The following ADRA1A variants were observed in gnomAD, a reference collection of about 807,000 sequenced individuals.
The protein encoded by ADRA1A is adrenoceptor alpha 1A.
A neutral mutation model predicts 29.6 loss-of-function variants in ADRA1A; 31 were observed. The ratio of observed to expected loss-of-function variants is 1.05; its 90% CI spans 0.79 to 1.41. The LOEUF (loss-of-function observed/expected upper bound fraction) is 1.41, where lower values mean the gene tolerates loss of function less well. ADRA1A is among the 40% of genes most tolerant of loss of function. The pLI, the probability that ADRA1A is intolerant of heterozygous loss-of-function variation, is 0.00. For synonymous variants in ADRA1A, 311 were observed against 254.3 expected, an observed-to-expected ratio of 1.22 and a Z score of -2.12; for missense variants, 619 against 601.1, an observed-to-expected ratio of 1.03 and a Z score of -0.31.
At chr8:26,785,121 T>C (rs550895593) in intron 2 of ADRA1A, among the ~76,000 whole-genome samples, 36 of 152,264 alleles carry the variant, frequency 2.4e-4, no homozygotes, top group Non-Finnish European at 3.8e-4. Context: ...AATGAAAAAA[T>C]TGAATGTCTT....
At chr8:26,840,786 G>A (rs143995587) in intron 2 of ADRA1A, among the ~76,000 whole-genome samples, 141 of 152,304 alleles carry the variant, frequency 9.3e-4, no homozygotes, top group African/African-American at 3.1e-3. Context: ...TGAAAGAGTT[G>A]CTAAGCATTT....
chr8:26,850,031 C>CAAAAAACAAAAAAA (rs1812505727), intron 2 of ADRA1A, among the ~76,000 whole-genome samples: 12 of 34,058 alleles, frequency 3.5e-4, no homozygotes, highest in South Asian at 8.5e-4. Context: ...AATGCAAAAA[C>CAAAAAACAAAAAAA]AAAAAACAAA....
intron 2 of ADRA1A, among the ~76,000 whole-genome samples, chr8:26,832,033 C>T (rs961174639): frequency 5.3e-5 from 8 of 152,252 alleles, no homozygotes; most frequent in South Asian, 4.1e-4. Context: ...AATCCAGGGA[C>T]GCTCCTCTGG....
chr8:26,766,182 T>A, downstream of ADRA1A: 1 of 1,284,064 alleles, frequency 7.8e-7, no homozygotes, highest in Non-Finnish European at 1.1e-6. Flanking sequence ...GGAATACAGG[T>A]GAGTGAGAGT....
chr8:26,780,253 C>G (rs1357761264), intron 2 of ADRA1A, among the ~76,000 whole-genome samples: 3 of 150,062 alleles, frequency 2.0e-5, no homozygotes, highest in Admixed American at 6.7e-5. Context: ...CAGGAACATG[C>G]AAAGGTGTTT....
In ADRA1A at chr8:26,825,684, T is replaced by A. The variant is rs1810506228; in HGVS notation, c.883+38403A>T. 6.6e-6 allele frequency among the ~76,000 whole-genome samples: 1 copy of A among 152,212 alleles called. No homozygotes were observed. The highest frequency in any genetic ancestry group is 1.5e-5 in the Non-Finnish European group (1 of 68,048). On this transcript the variant is annotated intron_variant, in intron 2 of 2. Coordinates refer to ENST00000380573, the MANE Select transcript of ADRA1A (RefSeq NM_000680.4). This position sits in a 1 kb window ranked among gnomAD's most constrained non-coding sequence, Gnocchi z 5.7. ...TGTCATTCTTTAGGAAAAATCAAAA[T>A]TTAGCTTGTAATGATATATGAATTG... is the stretch of plus-strand genomic sequence containing the variant.
At chr8:26,750,751 C>T (rs139831991) in intron 2 of ADRA1A, among the ~76,000 whole-genome samples, 110 of 152,316 alleles carry the variant, frequency 7.2e-4, no homozygotes, top group African/African-American at 2.6e-3. Flanking sequence ...TTTGGCAACA[C>T]AGCTCTCCTG....
At chr8:26,751,358 T>C (rs975832113) in intron 2 of ADRA1A, among the ~76,000 whole-genome samples, 1 of 152,240 alleles carries the variant, frequency 6.6e-6, no homozygotes, top group Non-Finnish European at 1.5e-5. Context: ...TTTTCATAAA[T>C]TCTGTTGAAG....
intron 2 of ADRA1A, among the ~76,000 whole-genome samples, chr8:26,861,619 T>C (rs1452757835): frequency 6.6e-6 from 1 of 152,202 alleles, no homozygotes; most frequent in East Asian, 1.9e-4. Context: ...CCATCTCTAC[T>C]TCCATGTCTA....
Position 26,825,192 on chromosome 8 carries a change from C to T in ADRA1A, c.883+38895G>A, listed in dbSNP as rs1810465320. Among the ~76,000 whole-genome samples the T allele has an allele frequency of 1.3e-5, 2 of 152,294 alleles. No individual in the cohort carries two copies. The highest frequency in any genetic ancestry group is 2.1e-4 in the South Asian group (1 of 4,818). On this transcript the variant is annotated intron_variant, in intron 2 of 2. Transcript: ENST00000380573. This position sits in a 1 kb window ranked among gnomAD's most constrained non-coding sequence, Gnocchi z 5.7. Reference sequence around the variant, plus strand: ...GCTAGGCCTTCCAGGGCCTCGGTCCCCACATCTGTGTTGGGAGAGAGGAGA... The same window carrying T: ...GCTAGGCCTTCCAGGGCCTCGGTCCTCACATCTGTGTTGGGAGAGAGGAGA...
At chr8:26,832,985 C>A (rs1340369436) in intron 2 of ADRA1A, among the ~76,000 whole-genome samples, 1 of 152,168 alleles carries the variant, frequency 6.6e-6, no homozygotes, top group Non-Finnish European at 1.5e-5. Context: ...GCCCTCCCAG[C>A]ACCATAGGGA....
chr8:26,800,799 C>A (rs1039157096), intron 2 of ADRA1A, among the ~76,000 whole-genome samples: 3 of 152,004 alleles, frequency 2.0e-5, no homozygotes, highest in Non-Finnish European at 2.9e-5. Flanking sequence ...CATGAAAAAT[C>A]ATCAAAAAGA....
chr8:26,810,471 G>T (rs542788902), intron 2 of ADRA1A, among the ~76,000 whole-genome samples: 1 of 152,198 alleles, frequency 6.6e-6, no homozygotes, highest in Non-Finnish European at 1.5e-5. Context: ...ATAAAATGGA[G>T]AATTGTTCAA....
rs183355777 is a variant in ADRA1A, at chr8:26,774,649, C to T, written c.884-3983G>A. 1.5e-3 allele frequency among the ~76,000 whole-genome samples: 217 copies of T among 148,818 alleles called. 2 individuals are homozygous for T. Among genetic ancestry groups the T allele is most frequent in the Non-Finnish European group, 4.6e-4 (31 of 67,514 alleles). The stretch of plus-strand genomic sequence containing the variant: ...CACCACTGCAGTCCAGCATGGGCAA[C>T]GGGAGTGAACCCCTGTCTAAAAAAA... On this transcript the variant is annotated intron_variant, in intron 2 of 2. Transcript: ENST00000380573.
rs1246530469 is a variant in ADRA1A, at chr8:26,817,683, T to C, written c.883+46404A>G. ...GACCCAACCACTAGGGAGGCTGACA[T>C]TGGAGGATTGATTGAGCCTGGGAGG... On this transcript the variant is annotated intron_variant, in intron 2 of 2. Coordinates refer to ENST00000380573, the MANE Select transcript of ADRA1A (RefSeq NM_000680.4). 2.0e-5 allele frequency among the ~76,000 whole-genome samples: 3 copies of C among 152,052 alleles called. No homozygotes were observed. In the South Asian group the frequency reaches 6.2e-4, roughly 32 times the overall value.
intron 2 of ADRA1A, among the ~76,000 whole-genome samples, chr8:26,802,833 C>G (rs535007275): frequency 1.3e-5 from 2 of 152,270 alleles, no homozygotes; most frequent in African/African-American, 4.8e-5. Flanking sequence ...AAGTATCCAT[C>G]AACAGCTCAA....
chr8:26,805,783 C>A lies in ADRA1A; in HGVS notation c.884-35117G>T, dbSNP rs1312124591. On this transcript the variant is annotated intron_variant, in intron 2 of 2. Coordinates refer to ENST00000380573, the MANE Select transcript of ADRA1A (RefSeq NM_000680.4). This position sits in a 1 kb window ranked among gnomAD's most constrained non-coding sequence, Gnocchi z 4.8. ...GATGAGCCAAGAGTTACTGGAACTT[C>A]AGTAAGCTCATTACTTGAACACATT... Among the ~76,000 whole-genome samples, 4 of 152,304 alleles carry A rather than the reference C, an allele frequency of 2.6e-5. No individual in the cohort carries two copies. Among genetic ancestry groups the A allele is most frequent in the African/African-American group, 9.6e-5 (4 of 41,568 alleles).
chr8:26,829,103 G>T (rs1810793926), intron 2 of ADRA1A, among the ~76,000 whole-genome samples: 1 of 152,152 alleles, frequency 6.6e-6, no homozygotes, highest in African/African-American at 2.4e-5. Flanking sequence ...ACTGCTGGGA[G>T]CTGGGAAACA....
At chr8:26,798,122 G>T (rs553376145) in intron 2 of ADRA1A, among the ~76,000 whole-genome samples, 1 of 152,314 alleles carries the variant, frequency 6.6e-6, no homozygotes, top group African/African-American at 2.4e-5. Flanking sequence ...GGGATTACAG[G>T]TGCTTGCCAC....
Sources: gnomAD v4.1 joint callset for allele counts (sites outside exome capture counted in the v4.1 genomes callset) on GRCh38, gnomAD v4.1.1 for gene constraint, Gnocchi (gnomAD v3.1) non-coding constraint, MANE v1.5 for transcripts, NCBI Gene and HGNC (gene_info 2026-07-23, HGNC 2026-07-21) for gene names.